The following SGF29 variants were observed in gnomAD, a reference collection of about 807,000 sequenced individuals.
SGF29 encodes the protein SAGA-associated factor 29.
In SGF29, 15 loss-of-function variants were observed where a neutral mutation model predicts 38.1. That is an observed-to-expected ratio of 0.39 (90% CI 0.26 to 0.61). SGF29 has a LOEUF of 0.61. SGF29 is among the 20% of genes least tolerant of loss of function. The pLI, the probability that SGF29 is intolerant of heterozygous loss-of-function variation, is 0.49. For synonymous variants in SGF29, 151 were observed against 160.8 expected, an observed-to-expected ratio of 0.94 and a Z score of 0.46; for missense variants, 184 against 394.6, an observed-to-expected ratio of 0.47 and a Z score of 4.52.
At chr16:28,586,974 A>T (rs1289781598) in intron 4 of SGF29, among the ~76,000 whole-genome samples, 2 of 152,034 alleles carry the variant, frequency 1.3e-5, no homozygotes, top group Non-Finnish European at 2.9e-5. Context: ...CAGCCTCCTG[A>T]GTAGCTGGGA....
chr16:28,565,479 A>G (rs2046830641), intron 1 of SGF29, among the ~76,000 whole-genome samples: 1 of 152,028 alleles, frequency 6.6e-6, no homozygotes, highest in Non-Finnish European at 1.5e-5. Flanking sequence ...GGGAGAAGTG[A>G]CGATGGTAGG....
chr16:28,567,414 A>T (rs553106754), intron 1 of SGF29, among the ~76,000 whole-genome samples: 6 of 152,216 alleles, frequency 3.9e-5, no homozygotes, highest in Non-Finnish European at 8.8e-5. Flanking sequence ...CCTCTAGAGC[A>T]ATGCATTTCT....
chr16:28,562,840 G>T (rs1223010607), intron 1 of SGF29, among the ~76,000 whole-genome samples: 1 of 146,198 alleles, frequency 6.8e-6, no homozygotes, highest in African/African-American at 2.5e-5. Flanking sequence ...GGAGGTGCAG[G>T]CTACAGGGAG....
intron 1 of SGF29, among the ~76,000 whole-genome samples, chr16:28,557,965 G>GTTT (rs753237384): frequency 1.2e-4 from 8 of 65,618 alleles, no homozygotes; most frequent in Non-Finnish European, 1.7e-4. Context: ...TTCTTTCTCT[G>GTTT]TTTTTTTTTT....
In SGF29 at chr16:28,574,236, G is replaced by C. The variant is rs146824392; in HGVS notation, c.-15-6819G>C. 1.1e-4 allele frequency among the ~76,000 whole-genome samples: 17 copies of C among 152,326 alleles called. No individual in the cohort carries two copies. In the East Asian group the frequency reaches 3.3e-3, roughly 29 times the overall value. On this transcript the variant is annotated intron_variant, in intron 1 of 9. Transcript: ENST00000317058. The stretch of plus-strand genomic sequence containing the variant: ...CACGTGGGTGCTGAGGTCCAGTGCG[G>C]TGTTTAACCTTGATCCTAGGACATT...
At chr16:28,582,352 G>A (rs1160851739) in intron 2 of SGF29, among the ~76,000 whole-genome samples, 1 of 150,998 alleles carries the variant, frequency 6.6e-6, no homozygotes, top group East Asian at 1.9e-4. Flanking sequence ...ATTTTAGGGG[G>A]TGGAACTCTT....
intron 1 of SGF29, among the ~76,000 whole-genome samples, chr16:28,562,238 G>A (rs969582807): frequency 2.0e-5 from 3 of 152,134 alleles, no homozygotes; most frequent in Non-Finnish European, 4.4e-5. Flanking sequence ...GCTCTGGGCC[G>A]GCCACTGCCT....
chr16:28,587,706 A>T (rs1362737187), intron 4 of SGF29, among the ~76,000 whole-genome samples: 1 of 152,244 alleles, frequency 6.6e-6, no homozygotes, highest in Non-Finnish European at 1.5e-5. Flanking sequence ...GGGTCATTTC[A>T]GAAAGGCTTG....
intron 1 of SGF29, among the ~76,000 whole-genome samples, chr16:28,560,685 G>A (rs1296297421): frequency 1.3e-5 from 2 of 152,040 alleles, no homozygotes; most frequent in South Asian, 2.1e-4. Flanking sequence ...GAACGGGCCC[G>A]GCGCAGTGGC....
At position 28,590,470 on chromosome 16, in the gene SGF29, C is replaced by T; in HGVS notation, c.566+28C>T. 1 of 1,613,892 alleles carries T rather than the reference C, an allele frequency of 6.2e-7. No homozygotes were observed. The highest frequency in any genetic ancestry group is 8.5e-7 in the Non-Finnish European group (1 of 1,179,842). On this transcript the variant is annotated intron_variant, in intron 7 of 9. Transcript: ENST00000317058. The surrounding 1 kb of genome is among the most constrained non-coding windows in gnomAD (Gnocchi z 8.2). ...GAGTGACACCAACCCTGGGGCTGCT[C>T]TCTGGTCACCGAACTTGCCTGGGCT...
rs565991762 is a variant in SGF29, at chr16:28,591,485, G to A, written c.766-105G>A. The A allele has an allele frequency of 1.1e-5, 9 of 788,970 alleles. No homozygotes were observed. The African/African-American group carries it at 1.5e-4, about 13-fold the overall frequency. 48.9% of individuals were successfully genotyped at this position (788,970 alleles called of 1,614,324 possible). A position where few individuals can be genotyped will look rare whatever the true frequency, so the allele number is the denominator to read the frequency against. On this transcript the variant is annotated intron_variant, in intron 9 of 9. Coordinates refer to ENST00000317058, the MANE Select transcript of SGF29 (RefSeq NM_138414.3). ...AGAGTGAAGGATGTTAGGAGTGGCTGAGAGTCCACGGCCCAGAGCCTCCTG... is the reference window on the plus strand; with the variant it reads ...AGAGTGAAGGATGTTAGGAGTGGCTAAGAGTCCACGGCCCAGAGCCTCCTG...
At chr16:28,568,797 C>G (rs1011834485) in intron 1 of SGF29, among the ~76,000 whole-genome samples, 1 of 152,066 alleles carries the variant, frequency 6.6e-6, no homozygotes, top group Non-Finnish European at 1.5e-5. Context: ...CCTGCAATCT[C>G]AGCTACTTGG....
intron 1 of SGF29, among the ~76,000 whole-genome samples, chr16:28,561,837 T>C (rs554413225): frequency 6.6e-6 from 1 of 152,312 alleles, no homozygotes; most frequent in South Asian, 2.1e-4. Context: ...CAATTCATTA[T>C]GGTTCCAACC....
intron 1 of SGF29, among the ~76,000 whole-genome samples, chr16:28,576,510 G>A (rs2046895132): frequency 6.6e-6 from 1 of 152,000 alleles, no homozygotes; most frequent in East Asian, 2.0e-4. Flanking sequence ...AGACCAGCCT[G>A]GCCAACGTGG....
intron 1 of SGF29, among the ~76,000 whole-genome samples, chr16:28,579,458 A>G (rs2046913372): frequency 6.6e-6 from 1 of 150,982 alleles, no homozygotes; most frequent in African/African-American, 2.4e-5. Context: ...AGGTTTCACC[A>G]TGTTGGCCAG....
intron 1 of SGF29, among the ~76,000 whole-genome samples, chr16:28,571,550 G>A (rs1322657977): frequency 1.4e-5 from 2 of 145,986 alleles, no homozygotes; most frequent in African/African-American, 2.5e-5. Flanking sequence ...CCAAGATCAC[G>A]CCACTGCACT....
chr16:28,570,864 A>C (rs1245247939), intron 1 of SGF29, among the ~76,000 whole-genome samples: 47 of 152,010 alleles, frequency 3.1e-4, no homozygotes, highest in Non-Finnish European at 1.5e-5. Context: ...GGCATGATAC[A>C]CCACACCCAG....
intron 2 of SGF29, among the ~76,000 whole-genome samples, chr16:28,582,278 A>G (rs2046930464): frequency 6.6e-6 from 1 of 152,208 alleles, no homozygotes; most frequent in Non-Finnish European, 1.5e-5. Context: ...GAGTGAAAGG[A>G]TGAGCGGTAG....
chr16:28,554,355 T>A (rs1265736141), intron 1 of SGF29, among the ~76,000 whole-genome samples: 1 of 150,912 alleles, frequency 6.6e-6, no homozygotes, highest in East Asian at 2.0e-4. Flanking sequence ...CCGGCGAGGG[T>A]GGGAAACAGC....
Sources: allele counts gnomAD v4.1 joint callset (sites outside exome capture counted in the v4.1 genomes callset), GRCh38; gene constraint gnomAD v4.1.1; non-coding constraint Gnocchi (gnomAD v3.1); transcripts MANE v1.5; gene names NCBI Gene and HGNC (gene_info 2026-07-23, HGNC 2026-07-21).